Variants in SGCD observed in about 807,000 individuals in gnomAD.
SGCD encodes delta-sarcoglycan.
SGCD carries 18 observed loss-of-function variants against 36.6 expected under a neutral mutation model. That is an observed-to-expected ratio of 0.49 (90% CI 0.34 to 0.73). The LOEUF is 0.73. Among genes scored for constraint, SGCD ranks in the 30% least tolerant of loss-of-function variants. SGCD has a pLI of 0.01. For missense variants in SGCD, 387 were observed against 346.7 expected, an observed-to-expected ratio of 1.12 and a Z score of -0.92; for synonymous variants, 133 against 130.6, an observed-to-expected ratio of 1.02 and a Z score of -0.12.
intron 1 of SGCD, among the ~76,000 whole-genome samples, chr5:156,034,574 T>C (rs934264019): frequency 6.6e-6 from 1 of 152,206 alleles, no homozygotes; most frequent in Non-Finnish European, 1.5e-5. Context: ...TATAATCAAT[T>C]GTGTCTTGTG....
chr5:155,796,978 G>T, the SGCD span, among the ~76,000 whole-genome samples: 18 of 152,060 alleles, frequency 1.2e-4, no homozygotes, highest in East Asian at 2.9e-3. Flanking sequence ...AGAACCAGAA[G>T]TTGTTTCTTT....
chr5:156,687,741 G>C (rs1753957348), intron 7 of SGCD, among the ~76,000 whole-genome samples: 1 of 152,146 alleles, frequency 6.6e-6, no homozygotes, highest in South Asian at 2.1e-4. Flanking sequence ...ACCCAATGCT[G>C]GTTGCAGCAC....
chr5:156,122,486 G>A (rs1017767021), intron 2 of SGCD, among the ~76,000 whole-genome samples: 20 of 152,072 alleles, frequency 1.3e-4, no homozygotes, highest in Non-Finnish European at 2.2e-4. Context: ...GAGCAAAGAC[G>A]TGAAACAGTG....
intron 3 of SGCD, among the ~76,000 whole-genome samples, chr5:156,397,712 C>A (rs554013600): frequency 6.6e-6 from 1 of 152,170 alleles, no homozygotes; most frequent in Non-Finnish European, 1.5e-5. Context: ...CTTAAATGTA[C>A]AAGTTAACCA....
intron 6 of SGCD, among the ~76,000 whole-genome samples, chr5:156,606,974 A>G (rs1320605497): frequency 1.3e-5 from 2 of 152,180 alleles, no homozygotes; most frequent in African/African-American, 4.8e-5. Flanking sequence ...CTGGATATAC[A>G]ATCATGTCGT....
At chr5:156,556,597 C>G (rs1759029910) in intron 4 of SGCD, among the ~76,000 whole-genome samples, 1 of 152,108 alleles carries the variant, frequency 6.6e-6, no homozygotes, top group Non-Finnish European at 1.5e-5. Context: ...TACAGCTCCT[C>G]TGTTTGCTGG....
At chr5:156,092,613 C>A (rs1761272239) in intron 1 of SGCD, among the ~76,000 whole-genome samples, 1 of 152,104 alleles carries the variant, frequency 6.6e-6, no homozygotes, top group African/African-American at 2.4e-5. Flanking sequence ...AATTACTTAC[C>A]CTTTTGTAGA....
chr5:156,648,638 G>C (rs937090929), intron 7 of SGCD, among the ~76,000 whole-genome samples: 12 of 152,076 alleles, frequency 7.9e-5, no homozygotes, highest in Non-Finnish European at 1.5e-4. Context: ...ATCCCACATA[G>C]AGTGGGCTGT....
intron 3 of SGCD, among the ~76,000 whole-genome samples, chr5:156,308,763 C>A (rs186032515): frequency 7.2e-5 from 11 of 152,322 alleles, no homozygotes; most frequent in Admixed American, 2.0e-4. Context: ...AGACACAGAA[C>A]TGAACCATAT....
intron 3 of SGCD, among the ~76,000 whole-genome samples, chr5:156,319,751 G>A (rs113403391): frequency 5.9e-5 from 9 of 152,224 alleles, no homozygotes; most frequent in African/African-American, 2.2e-4. Context: ...ACCATATCAC[G>A]TCTTCTTTTC....
chr5:156,352,156 T>C (rs1769292800), intron 3 of SGCD, among the ~76,000 whole-genome samples: 1 of 152,210 alleles, frequency 6.6e-6, no homozygotes, highest in Non-Finnish European at 1.5e-5. Flanking sequence ...ACTGTAGTAT[T>C]GATCATGTAG....
At chr5:156,317,915 T>G (rs1767560741) in intron 3 of SGCD, among the ~76,000 whole-genome samples, 1 of 152,230 alleles carries the variant, frequency 6.6e-6, no homozygotes, top group Non-Finnish European at 1.5e-5. Context: ...GGGTAGAGAA[T>G]TGACCCATTT....
chr5:156,752,062 A>G (rs375614455), intron 7 of SGCD, among the ~76,000 whole-genome samples: 10 of 152,368 alleles, frequency 6.6e-5, no homozygotes, highest in African/African-American at 2.4e-4. Flanking sequence ...AAATCATGGT[A>G]TATGGTAACA....
intron 3 of SGCD, among the ~76,000 whole-genome samples, chr5:156,236,726 G>T (rs1049911178): frequency 6.6e-6 from 1 of 151,048 alleles, no homozygotes; most frequent in African/African-American, 2.4e-5. Context: ...GGGATTACAG[G>T]TGTGAGCCAC....
chr5:156,737,728 A>G (rs1756447079), intron 7 of SGCD, among the ~76,000 whole-genome samples: 1 of 152,180 alleles, frequency 6.6e-6, no homozygotes, highest in African/African-American at 2.4e-5. Context: ...TTATAATCAT[A>G]TGGCAGGCAG....
intron 4 of SGCD, among the ~76,000 whole-genome samples, chr5:156,543,831 G>A (rs1758451715): frequency 6.6e-6 from 1 of 152,182 alleles, no homozygotes; most frequent in South Asian, 2.1e-4. Context: ...CAGTGAAGAG[G>A]TTATTCTCCT....
At chr5:156,396,991 G>C (rs1245628490) in intron 3 of SGCD, among the ~76,000 whole-genome samples, 1 of 152,182 alleles carries the variant, frequency 6.6e-6, no homozygotes, top group Non-Finnish European at 1.5e-5. Context: ...GGCATAAAAA[G>C]GGCTTTACAG....
chr5:156,539,362 T>A (rs148524509), intron 4 of SGCD, among the ~76,000 whole-genome samples: 2 of 152,144 alleles, frequency 1.3e-5, no homozygotes, highest in Admixed American at 6.6e-5. Flanking sequence ...ACCTGTCCCC[T>A]GAGAAGTATA....
At chr5:156,354,365 C>T (rs551219759) in intron 3 of SGCD, among the ~76,000 whole-genome samples, 9 of 151,820 alleles carry the variant, frequency 5.9e-5, no homozygotes, top group Non-Finnish European at 1.3e-4. Context: ...GCTTAGGCCA[C>T]TGGAGGGGAA....
Sources: allele counts gnomAD v4.1 joint callset (sites outside exome capture counted in the v4.1 genomes callset), GRCh38; gene constraint gnomAD v4.1.1; transcripts MANE v1.5; gene names NCBI Gene and HGNC (gene_info 2026-07-23, HGNC 2026-07-21).